Variants in NRXN3 observed in about 807,000 individuals in gnomAD.
NRXN3 encodes the protein neurexin III.
NRXN3 carries 32 observed loss-of-function variants against 137.6 expected under a neutral mutation model. The observed-to-expected ratio is 0.23, with a 90% CI of 0.18 to 0.31. The LOEUF (loss-of-function observed/expected upper bound fraction) is 0.31, where lower values mean the gene tolerates loss of function less well. Among genes scored for constraint, NRXN3 ranks in the 10% least tolerant of loss-of-function variants. NRXN3 has a pLI of 1.00. For missense variants in NRXN3, 1,574 were observed against 2,062.5 expected (o/e 0.76, Z 4.59); for synonymous variants, 798 against 784.5 (o/e 1.02, Z -0.29).
intron 10 of NRXN3, among the ~76,000 whole-genome samples, chr14:78,901,978 G>A (rs1196101237): frequency 1.3e-5 from 2 of 152,034 alleles, no homozygotes; most frequent in African/African-American, 2.4e-5. Flanking sequence ...GAAGGTTGTC[G>A]GGTATGCAAG....
chr14:78,762,261 C>G (rs575009413), intron 8 of NRXN3, among the ~76,000 whole-genome samples: 16 of 152,264 alleles, frequency 1.1e-4, no homozygotes, highest in Non-Finnish European at 1.9e-4. Context: ...CTTTCTGACC[C>G]TGCCACCTAA....
chr14:78,604,094 C>A (rs2097224900), intron 4 of NRXN3, among the ~76,000 whole-genome samples: 1 of 152,088 alleles, frequency 6.6e-6, no homozygotes, highest in African/African-American at 2.4e-5. Flanking sequence ...GAATTAGAGC[C>A]AAGTGAAAGA....
intron 4 of NRXN3, among the ~76,000 whole-genome samples, chr14:78,472,680 T>A (rs2095297786): frequency 1.3e-5 from 2 of 152,136 alleles, no homozygotes; most frequent in East Asian, 3.9e-4. Context: ...TCACTGTTCC[T>A]CCTTAAAAGT....
At chr14:78,794,370 A>G (rs926153885) in intron 8 of NRXN3, among the ~76,000 whole-genome samples, 11 of 152,260 alleles carry the variant, frequency 7.2e-5, no homozygotes, top group African/African-American at 2.7e-4. Context: ...TGACAGAGCG[A>G]CAGAGCAAGA....
At chr14:78,521,317 T>G (rs912964355) in intron 4 of NRXN3, among the ~76,000 whole-genome samples, 1 of 152,230 alleles carries the variant, frequency 6.6e-6, no homozygotes, top group Non-Finnish European at 1.5e-5. Flanking sequence ...TTAGGTTAGT[T>G]TGGCATTTTA....
At chr14:79,849,756 T>C (rs139031237) in intron 20 of NRXN3, among the ~76,000 whole-genome samples, 1 of 152,180 alleles carries the variant, frequency 6.6e-6, no homozygotes, top group Non-Finnish European at 1.5e-5. Context: ...TCTGAGTATA[T>C]ACCCAAGGGA....
intron 15 of NRXN3, among the ~76,000 whole-genome samples, chr14:79,371,254 A>G (rs1049038636): frequency 6.6e-6 from 1 of 152,208 alleles, no homozygotes; most frequent in Non-Finnish European, 1.5e-5. Context: ...TAAGGAATAA[A>G]TTACTAAAAT....
intron 19 of NRXN3, among the ~76,000 whole-genome samples, chr14:79,700,362 G>A (rs8022667): frequency 0.96 from 146,159 of 152,116 alleles, 70,273 homozygotes; most frequent in East Asian, 1. Context: ...CATATTCACC[G>A]GGCCCATTAT....
At chr14:78,773,282 T>C (rs577772467) in intron 8 of NRXN3, among the ~76,000 whole-genome samples, 3 of 152,282 alleles carry the variant, frequency 2.0e-5, no homozygotes, top group Non-Finnish European at 4.4e-5. Context: ...CCTGGGACTA[T>C]GGGTGGGAGA....
At chr14:79,541,301 G>C (rs998952327) in intron 16 of NRXN3, among the ~76,000 whole-genome samples, 1 of 152,082 alleles carries the variant, frequency 6.6e-6, no homozygotes, top group Admixed American at 6.5e-5. Context: ...GATTCAGGAG[G>C]CCATGGCAAA....
intron 16 of NRXN3, among the ~76,000 whole-genome samples, chr14:79,538,816 C>A (rs1286527894): frequency 6.6e-6 from 1 of 152,140 alleles, no homozygotes; most frequent in African/African-American, 2.4e-5. Flanking sequence ...TCCTGAAGGA[C>A]AGTGTTAGGA....
At chr14:79,316,729 CCTCTCTCTCT>C (rs35515937) in intron 15 of NRXN3, among the ~76,000 whole-genome samples, 9 of 138,014 alleles carry the variant, frequency 6.5e-5, no homozygotes, top group Middle Eastern at 3.8e-3. Flanking sequence ...CTGTCCTGTC[CCTCTCTCTCT>C]CTCTCTCTCT....
At chr14:78,255,042 T>C (rs886970603) in intron 2 of NRXN3, among the ~76,000 whole-genome samples, 6 of 152,002 alleles carry the variant, frequency 3.9e-5, no homozygotes, top group African/African-American at 1.2e-4. Context: ...CTGGAAGATC[T>C]TGCTCTCACA....
intron 15 of NRXN3, among the ~76,000 whole-genome samples, chr14:79,269,692 G>A (rs1183492553): frequency 6.6e-6 from 1 of 152,078 alleles, no homozygotes; most frequent in African/African-American, 2.4e-5. Flanking sequence ...GAACAATAGG[G>A]TAAGCAAGCC....
chr14:79,712,708 C>T (rs534550033), intron 19 of NRXN3, among the ~76,000 whole-genome samples: 4 of 152,188 alleles, frequency 2.6e-5, no homozygotes, highest in Admixed American at 6.5e-5. Flanking sequence ...CAAGATAAAC[C>T]GACAGGACTC....
chr14:78,266,101 C>T (rs1353514255), intron 2 of NRXN3, among the ~76,000 whole-genome samples: 2 of 152,176 alleles, frequency 1.3e-5, no homozygotes, highest in Non-Finnish European at 2.9e-5. Context: ...TCTCTGTTAT[C>T]TCTGAAACAA....
intron 16 of NRXN3, among the ~76,000 whole-genome samples, chr14:79,507,076 A>G (rs1488437384): frequency 1.3e-5 from 2 of 152,192 alleles, no homozygotes; most frequent in African/African-American, 4.8e-5. Flanking sequence ...TCACATTTCT[A>G]AAAAGGAAAA....
intron 16 of NRXN3, among the ~76,000 whole-genome samples, chr14:79,551,672 C>T (rs933728988): frequency 6.6e-6 from 1 of 152,032 alleles, no homozygotes; most frequent in Non-Finnish European, 1.5e-5. Context: ...TAGCTCAAGC[C>T]CCAGGGACTG....
intron 4 of NRXN3, among the ~76,000 whole-genome samples, chr14:78,627,780 GT>G (rs996912097): frequency 6.6e-6 from 1 of 152,152 alleles, no homozygotes; most frequent in Non-Finnish European, 1.5e-5. Context: ...AAAATGTGTG[GT>G]TTTTAAAGCA....
Sources: allele counts gnomAD v4.1 joint callset (sites outside exome capture counted in the v4.1 genomes callset), GRCh38; gene constraint gnomAD v4.1.1; transcripts MANE v1.5; gene names NCBI Gene and HGNC (gene_info 2026-07-23, HGNC 2026-07-21).